DIP2B: variants seen among roughly 807,000 people sequenced by gnomAD.
DIP2B encodes the protein disco-interacting protein 2 homolog B.
Under a neutral mutation model 198.0 loss-of-function variants are expected in DIP2B, and 76 were observed. The observed-to-expected ratio is 0.38, with a 90% confidence interval of 0.32 to 0.46. DIP2B has a LOEUF of 0.46. Among genes scored for constraint, DIP2B ranks in the 20% least tolerant of loss-of-function variants. The probability of loss-of-function intolerance (pLI) is 0.99; values close to 1 mark genes in which losing one functional copy is unlikely to be tolerated. For synonymous variants in DIP2B, 701 were observed against 739.1 expected (o/e 0.95, Z 0.84); for missense variants, 1,559 against 1,978.4 (o/e 0.79, Z 4.02).
intron 1 of DIP2B, among the ~76,000 whole-genome samples, chr12:50,619,859 C>G (rs916208077): frequency 6.6e-6 from 1 of 152,042 alleles, no homozygotes; most frequent in African/African-American, 2.4e-5. Context: ...GAGTTTGAGA[C>G]CAGCCTGGGC....
chr12:50,648,117 A>AAAAC (rs977866854), intron 3 of DIP2B, among the ~76,000 whole-genome samples: 14 of 152,238 alleles, frequency 9.2e-5, no homozygotes, highest in Admixed American at 7.2e-4. Context: ...CCGTCTCAAA[A>AAAAC]AAACAAACAA....
Position 50,674,533 on chromosome 12 carries a change from T to TCAATTCGCCCAGCAAACATTGACCTG in DIP2B, c.702_727dup (p.Pro243GlnfsTer14). The stretch of plus-strand genomic sequence containing the variant: ...TACCTCTTCCTCCTCATCATCTTCC[T>TCAATTCGCCCAGCAAACATTGACCTG]CAATTCGCCCAGCAAACATTGACCT... On this transcript the variant is annotated frameshift_variant, in exon 6 of 38. Transcript: ENST00000301180. LOFTEE classifies it high-confidence loss of function. The TCAATTCGCCCAGCAAACATTGACCTG allele has an allele frequency of 6.2e-7, 1 of 1,614,222 alleles. No individual in the cohort carries two copies. The highest frequency in any genetic ancestry group is 8.5e-7 in the Non-Finnish European group (1 of 1,180,036).
intron 3 of DIP2B, among the ~76,000 whole-genome samples, chr12:50,655,575 A>G (rs904331534): frequency 4.6e-5 from 7 of 152,250 alleles, no homozygotes; most frequent in Non-Finnish European, 1.0e-4. Flanking sequence ...ACTAACTCAA[A>G]CAGCTTTTGA....
At chr12:50,520,780 G>A (rs11169475) in intron 1 of DIP2B, among the ~76,000 whole-genome samples, 3,106 of 152,218 alleles carry the variant, frequency 0.02, 45 homozygotes, top group Middle Eastern at 0.037. Flanking sequence ...GTGTTCTTTA[G>A]TGAAAATGCT....
At chr12:50,659,438 C>T (rs1347343934) in intron 3 of DIP2B, among the ~76,000 whole-genome samples, 2 of 151,480 alleles carry the variant, frequency 1.3e-5, no homozygotes, top group African/African-American at 4.8e-5. Context: ...TAGGAAGCTA[C>T]CTCAGCTGTT....
At chr12:50,590,063 A>G (rs151155239) in intron 1 of DIP2B, among the ~76,000 whole-genome samples, 37 of 151,006 alleles carry the variant, frequency 2.5e-4, no homozygotes, top group Admixed American at 1.4e-3. Flanking sequence ...TGACGCCATC[A>G]TGGCTCACTG....
At chr12:50,712,588 A>G (rs1252162930) in intron 22 of DIP2B, among the ~76,000 whole-genome samples, 1 of 149,902 alleles carries the variant, frequency 6.7e-6, no homozygotes, top group Non-Finnish European at 1.5e-5. Flanking sequence ...TGGGAGAAAA[A>G]GCGAGACTCC....
rs1476167835 is a variant in DIP2B at position 50,671,333 on chromosome 12, T to C, written c.575T>C (p.Leu192Pro). The C allele has an allele frequency of 6.2e-7, 1 of 1,614,180 alleles. No homozygotes were observed. ...SSTSSSASSTLSHGEVKGTSG... is the reference protein window; with the variant it reads ...SSTSSSASSTPSHGEVKGTSG... The stretch of plus-strand genomic sequence containing the variant: ...ACTTCTTCATCCGCATCTTCTACGC[T>C]GTCCCACGGAGAGGTCAAAGGAACC... Residue 192 changes from leucine to proline, a missense_variant, in exon 5 of 38, where the codon CTG becomes CCG. Physicochemically the swap from Leu to Pro is moderately conservative, Grantham distance 98. Coordinates refer to ENST00000301180, the MANE Select transcript of DIP2B (RefSeq NM_173602.3).
chr12:50,583,301 GT>G (rs140411549), intron 1 of DIP2B, among the ~76,000 whole-genome samples: 15 of 148,076 alleles, frequency 1.0e-4, no homozygotes, highest in African/African-American at 1.5e-4. Context: ...ACATCTACAC[GT>G]TTTTTTTTTG....
rs1939026589 is a variant in DIP2B, at chr12:50,680,719, A to G, written c.1162A>G (p.Lys388Glu). ...AAAGTTGGCCTACACACTTCTTAAT[A>G]AACTGGGGACCAAAAATGAACCTGT... ...SLKLAYTLLN[K>E]LGTKNEPVLK... Residue 388 changes from lysine to glutamate, a missense_variant, in exon 9 of 38, where the codon AAA becomes GAA. Transcript: ENST00000301180. The G allele has an allele frequency of 1.2e-6, 2 of 1,613,714 alleles. No individual in the cohort carries two copies.
At position 50,708,540 on chromosome 12, in the gene DIP2B, A is replaced by G. The variant is rs778333750; in HGVS notation, c.2627A>G (p.Gln876Arg). Reference protein sequence around the residue: ...RPDASEEDSFQWMSRVLQAID... With the variant: ...RPDASEEDSFRWMSRVLQAID... Reference sequence around the variant, plus strand: ...GATGCTTCTGAGGAAGATAGTTTCCAGTGGATGAGCCGCGTGCTGCAGGTG... The same window carrying G: ...GATGCTTCTGAGGAAGATAGTTTCCGGTGGATGAGCCGCGTGCTGCAGGTG... The change falls in exon 22 of 38, where the codon CAG becomes CGG. Residue 876 changes from glutamine to arginine, a missense_variant. By Grantham distance (43) the Gln-to-Arg change is conservative. Coordinates refer to ENST00000301180, the MANE Select transcript of DIP2B (RefSeq NM_173602.3). 4 of 1,601,092 alleles carry G rather than the reference A, an allele frequency of 2.5e-6. No individual in the cohort carries two copies. Among genetic ancestry groups the G allele is most frequent in the Non-Finnish European group, 2.6e-6 (3 of 1,173,182 alleles).
Position 50,524,048 on chromosome 12 carries a change from C to T in DIP2B, c.100+18808C>T, listed in dbSNP as rs758600879. Reference sequence around the variant, plus strand: ...GCCCATCTCAGTTTTCACAGAGCAGCGAGGGTATATTTGGAGCTGAAAGGC... The same window carrying T: ...GCCCATCTCAGTTTTCACAGAGCAGTGAGGGTATATTTGGAGCTGAAAGGC... On this transcript the variant is annotated intron_variant, in intron 1 of 37. Coordinates refer to ENST00000301180, the MANE Select transcript of DIP2B (RefSeq NM_173602.3). Among the ~76,000 whole-genome samples the T allele has an allele frequency of 2.2e-4, 33 of 152,230 alleles. 1 individual carries two copies. Among genetic ancestry groups the T allele is most frequent in the Non-Finnish European group, 3.2e-4 (22 of 68,010 alleles).
intron 3 of DIP2B, among the ~76,000 whole-genome samples, chr12:50,645,375 C>CCT (rs1938332223): frequency 6.6e-6 from 1 of 151,518 alleles, no homozygotes; most frequent in African/African-American, 2.4e-5. Flanking sequence ...TTAAATAAGT[C>CCT]ATAGAATGTT....
At chr12:50,733,694 G>A (rs1940088595) in intron 32 of DIP2B, among the ~76,000 whole-genome samples, 1 of 152,182 alleles carries the variant, frequency 6.6e-6, no homozygotes, top group Non-Finnish European at 1.5e-5. Context: ...GCAACAGATT[G>A]AGACCCTGTC....
chr12:50,697,960 G>A (rs959685999), intron 17 of DIP2B, among the ~76,000 whole-genome samples: 1 of 152,016 alleles, frequency 6.6e-6, no homozygotes, highest in African/African-American at 2.4e-5. Context: ...GGAGCACAGT[G>A]ACACGATCAT....
At chr12:50,534,205 G>C (rs1349825754) in intron 1 of DIP2B, among the ~76,000 whole-genome samples, 1 of 152,116 alleles carries the variant, frequency 6.6e-6, no homozygotes, top group African/African-American at 2.4e-5. Context: ...ATCTGGTCAA[G>C]TTGGCATCAA....
intron 1 of DIP2B, among the ~76,000 whole-genome samples, chr12:50,508,022 G>T (rs774173596): frequency 4.6e-5 from 7 of 151,920 alleles, no homozygotes; most frequent in Middle Eastern, 3.2e-3. Context: ...TCAGCTGCAG[G>T]CTTTGGTAAT....
At chr12:50,635,879 C>T (rs1207660408) in intron 2 of DIP2B, among the ~76,000 whole-genome samples, 1 of 151,936 alleles carries the variant, frequency 6.6e-6, no homozygotes, top group Admixed American at 6.6e-5. Context: ...TTATTTTTTC[C>T]GAGCAACTAC....
intron 1 of DIP2B, among the ~76,000 whole-genome samples, chr12:50,595,417 A>T (rs1458073369): frequency 6.6e-6 from 1 of 152,062 alleles, no homozygotes; most frequent in Admixed American, 6.6e-5. Context: ...CTTGCCTCCC[A>T]CTTCAGCCTC....
Sources: gnomAD v4.1 joint callset for allele counts (sites outside exome capture counted in the v4.1 genomes callset) on GRCh38, gnomAD v4.1.1 for gene constraint, MANE v1.5 for transcripts, NCBI Gene and HGNC (gene_info 2026-07-23, HGNC 2026-07-21) for gene names.